The following KNDC1 variants were observed in gnomAD, a reference collection of about 807,000 sequenced individuals.
KNDC1 encodes kinase non-catalytic C-lobe domain-containing protein 1.
A neutral mutation model predicts 172.8 loss-of-function variants in KNDC1; 106 were observed. The ratio of observed to expected loss-of-function variants is 0.61; its 90% confidence interval spans 0.52 to 0.72. The LOEUF is 0.72. Ranked by LOEUF, KNDC1 falls within the 30% of genes least tolerant of loss-of-function variation. The probability of loss-of-function intolerance (pLI) is 0.00; values close to 1 mark genes in which losing one functional copy is unlikely to be tolerated. For missense variants in KNDC1, 2,325 were observed against 2,394.5 expected, an observed-to-expected ratio of 0.97 and a Z score of 0.61; for synonymous variants, 1,083 against 1,062.2, an observed-to-expected ratio of 1.02 and a Z score of -0.38.
chr10:133,180,501 G>A (rs1031340361), intron 3 of KNDC1, among the ~76,000 whole-genome samples: 13 of 152,272 alleles, frequency 8.5e-5, no homozygotes, highest in Admixed American at 8.5e-4. Flanking sequence ...CAGAGAGTGA[G>A]GCTTCAAACA....
intron 3 of KNDC1, among the ~76,000 whole-genome samples, chr10:133,171,040 T>G (rs1055143628): frequency 2.0e-5 from 3 of 152,280 alleles, no homozygotes; most frequent in Non-Finnish European, 2.9e-5. Flanking sequence ...TTTTAATGCT[T>G]CTTCTACTGT....
At chr10:133,192,451 C>A (rs1455736677) in intron 9 of KNDC1, among the ~76,000 whole-genome samples, 1 of 152,198 alleles carries the variant, frequency 6.6e-6, no homozygotes, top group African/African-American at 2.4e-5. Context: ...TGAAAACAGG[C>A]AACCAATGAT....
intron 3 of KNDC1, 44 bp from the exon 4 acceptor site, chr10:133,183,300 G>C: frequency 2.0e-6 from 3 of 1,533,950 alleles, no homozygotes; most frequent in Non-Finnish European, 2.6e-6. Context: ...TCGGGGTGGC[G>C]CACACGCAGA....
chr10:133,203,553 C>G (rs2136006508), intron 17 of KNDC1, among the ~76,000 whole-genome samples: 1 of 152,364 alleles, frequency 6.6e-6, no homozygotes, highest in East Asian at 1.9e-4. Context: ...GGCATTTCCT[C>G]CCTTCAGCGC....
At chr10:133,180,416 A>G (rs760988432) in intron 3 of KNDC1, among the ~76,000 whole-genome samples, 7 of 152,256 alleles carry the variant, frequency 4.6e-5, no homozygotes, top group Non-Finnish European at 1.0e-4. Flanking sequence ...CCGCGGCTGC[A>G]AGGATAGCGT....
At chr10:133,179,704 G>A (rs73388507) in intron 3 of KNDC1, among the ~76,000 whole-genome samples, 8,677 of 152,282 alleles carry the variant, frequency 0.057, 788 homozygotes, top group African/African-American at 0.19. Flanking sequence ...CTCGAGGCGA[G>A]AGCTACCGGG....
Position 133,218,918 on chromosome 10 carries a change from A to G in KNDC1, c.4765A>G (p.Ser1589Gly). ...RNFATAMQIL[S>G]GLEHLAVRQS... ...CTTCGCGACAGCCATGCAGATCCTG[A>G]GCGGGCTGGAGCACCTGGCCGTGAG... The change falls in exon 27 of 30, where the codon AGC becomes GGC. Residue 1589 changes from serine to glycine, a missense_variant. Transcript: ENST00000304613. 2 of 1,613,788 alleles carry G rather than the reference A, an allele frequency of 1.2e-6. No individual in the cohort carries two copies. Among genetic ancestry groups the G allele is most frequent in the Non-Finnish European group, 1.7e-6 (2 of 1,179,886 alleles).
intron 3 of KNDC1, among the ~76,000 whole-genome samples, chr10:133,180,253 G>A (rs1203839324): frequency 6.6e-6 from 1 of 152,234 alleles, no homozygotes; most frequent in Non-Finnish European, 1.5e-5. Flanking sequence ...CCATCCTTCA[G>A]GTCAGAAGCT....
At position 133,224,592 on chromosome 10, in the gene KNDC1, CTCCCTCCCCACG is replaced by C; in HGVS notation, c.5019-66_5019-55del. Reference sequence around the variant, plus strand: ...AATGATTCCTAAGAACGCGGGGGGACTCCCTCCCCACGGAAGCCGCGCCCCTGCCCTGTGCAA... The same window carrying C: ...AATGATTCCTAAGAACGCGGGGGGACGAAGCCGCGCCCCTGCCCTGTGCAA... On this transcript the variant is annotated intron_variant, in intron 29 of 29. Transcript: ENST00000304613. This position sits in a 1 kb window ranked among gnomAD's most constrained non-coding sequence, Gnocchi z 5.4. 1 of 1,120,474 alleles carries C rather than the reference CTCCCTCCCCACG, an allele frequency of 8.9e-7. No homozygotes were observed. The highest frequency in any genetic ancestry group is 2.1e-5 in the Admixed American group (1 of 48,180). The allele number at this position is 1,120,474 out of a possible 1,614,324, so 69.4% of individuals were successfully genotyped here. A position where few individuals can be genotyped will look rare whatever the true frequency, so the allele number is the denominator to read the frequency against.
At chr10:133,184,031 T>C (rs1853805560) in intron 5 of KNDC1, 42 bp downstream of exon 5, 3 of 1,149,246 alleles carry the variant, frequency 2.6e-6, no homozygotes, top group Non-Finnish European at 3.8e-6. Flanking sequence ...CATGCACATA[T>C]ACCTGTGTGC....
chr10:133,188,394 T>A, intron 6 of KNDC1, 145 bp from the exon 7 acceptor site: 1 of 580,480 alleles, frequency 1.7e-6, no homozygotes, highest in South Asian at 2.1e-5. Context: ...CTTAGGGACC[T>A]CCCTAGCCCT....
At chr10:133,203,499 G>A (rs1200457151) in intron 17 of KNDC1, among the ~76,000 whole-genome samples, 5 of 152,362 alleles carry the variant, frequency 3.3e-5, no homozygotes, top group South Asian at 2.1e-4. Context: ...AAACGCACAC[G>A]GTGCAGCGAG....
chr10:133,177,856 T>C (rs903874165), intron 3 of KNDC1, among the ~76,000 whole-genome samples: 3 of 151,546 alleles, frequency 2.0e-5, no homozygotes, highest in South Asian at 2.1e-4. Flanking sequence ...TAGTGTGTTG[T>C]CATGGGCACG....
rs1046004244 is a variant in KNDC1, at chr10:133,183,433, C to T, written c.450C>T (p.Leu150=). Residue 150 remains leucine (L), a synonymous_variant, in exon 4 of 30, where the codon CTC becomes CTT. Coordinates refer to ENST00000304613, the MANE Select transcript of KNDC1 (RefSeq NM_152643.8). ...PTLEPRLSQD[L]EALLSRMQAE... ...TGGAACCCAGGCTGAGCCAAGACCT[C>T]GAGGCGCTGCTGAGCCGGATGCAGG... 3.1e-6 allele frequency: 5 copies of T among 1,605,654 alleles called. No individual in the cohort carries two copies. The highest frequency in any genetic ancestry group is 1.1e-5 in the South Asian group (1 of 89,516).
At chr10:133,184,518 T>G (rs1391154685) in intron 5 of KNDC1, among the ~76,000 whole-genome samples, 1 of 152,228 alleles carries the variant, frequency 6.6e-6, no homozygotes, top group Non-Finnish European at 1.5e-5. Context: ...TATTCACTCT[T>G]GCTCACAGTC....
In KNDC1 at chr10:133,206,755, T is replaced by C. The variant is rs1466674278; in HGVS notation, c.3458T>C (p.Leu1153Ser). 1 of 1,614,044 alleles carries C rather than the reference T, an allele frequency of 6.2e-7. No homozygotes were observed. The change falls in exon 18 of 30, where the codon TTA becomes TCA. Residue 1153 changes from leucine to serine, a missense_variant. Leu to Ser is a moderately radical substitution (Grantham distance 145). Transcript: ENST00000304613. ...ACCCTGAAGTTCTACCAGAAACTCTTACAGAAGGAAAAGAGGAACAAAGGT... is the reference window on the plus strand; with the variant it reads ...ACCCTGAAGTTCTACCAGAAACTCTCACAGAAGGAAAAGAGGAACAAAGGT... The part of the protein sequence containing the change: ...RKTLKFYQKL[L>S]QKEKRNKGSD...
At chr10:133,220,517 C>G (rs867693268) in intron 29 of KNDC1, among the ~76,000 whole-genome samples, 3 of 16,686 alleles carry the variant, frequency 1.8e-4, no homozygotes, top group Admixed American at 5.7e-4. Context: ...GCTCAGGCGG[C>G]CGCGCGCCCA....
Position 133,219,028 on chromosome 10 carries a change from C to T in KNDC1, c.4801-3C>T. The T allele has an allele frequency of 6.2e-7, 1 of 1,614,004 alleles. No homozygotes were observed. The highest frequency in any genetic ancestry group is 8.5e-7 in the Non-Finnish European group (1 of 1,179,976). On this transcript the variant is annotated splice_region_variant and splice_polypyrimidine_tract_variant and intron_variant, in intron 27 of 29. Transcript: ENST00000304613. ...AGGAGGCTCACCTGTGCTTTCATTT[C>T]AGGCCTGGAGAATTCTGCCTGCAAA...
rs1564899179 is a variant in KNDC1 at position 133,213,663 on chromosome 10, C to T, written c.4462C>T (p.His1488Tyr). 1.2e-6 allele frequency: 2 copies of T among 1,614,048 alleles called. No homozygotes were observed. The highest frequency in any genetic ancestry group is 1.7e-4 in the Middle Eastern group (1 of 6,058). ...TGGGCAGGAGTTGTTTCAAAAGTGC[C>T]ACCCGGTCCACTTCCTGAACTCACG... is the stretch of plus-strand genomic sequence containing the variant. Reference protein sequence around the residue: ...LLQQELFQKCHPVHFLNSRAL... With the variant: ...LLQQELFQKCYPVHFLNSRAL... Residue 1488 changes from histidine to tyrosine, a missense_variant, in exon 25 of 30, where the codon CAC becomes TAC. His to Tyr is a moderately conservative substitution (Grantham distance 83, BLOSUM62 2). Transcript: ENST00000304613.
Sources: allele counts gnomAD v4.1 joint callset (sites outside exome capture counted in the v4.1 genomes callset), GRCh38; gene constraint gnomAD v4.1.1; non-coding constraint Gnocchi (gnomAD v3.1); transcripts MANE v1.5; gene names NCBI Gene and HGNC (gene_info 2026-07-23, HGNC 2026-07-21).